Variants in C1orf116 observed in about 807,000 individuals in gnomAD.
C1orf116 encodes chromosome 1 open reading frame 116.
C1orf116 carries 12 observed loss-of-function variants against 14.1 expected under a neutral mutation model. The ratio of observed to expected loss-of-function variants is 0.85; its 90% CI spans 0.54 to 1.38. The LOEUF (loss-of-function observed/expected upper bound fraction) is 1.38, where lower values mean the gene tolerates loss of function less well. C1orf116 is among the 40% of genes most tolerant of loss of function. C1orf116 has a pLI of 0.00. For synonymous variants in C1orf116, 296 were observed against 299.0 expected (o/e 0.99, Z 0.10); for missense variants, 797 against 747.0 (o/e 1.07, Z -0.78).
chr1:207,031,951 A>G (rs192415109), intron 1 of C1orf116, among the ~76,000 whole-genome samples: 6 of 152,326 alleles, frequency 3.9e-5, no homozygotes, highest in Admixed American at 3.9e-4. Flanking sequence ...TTGCAGCTAG[A>G]TTATCCATGG....
rs185449196 is a variant in C1orf116 at position 207,021,409 on chromosome 1, C to G, written c.*549G>C. ...GTGAAGAGATAACGAATCAGCTCCT[C>G]TTAGCCCAGGCCTTGTCCAGAAGGC... On this transcript the variant is annotated 3_prime_UTR_variant, in exon 4 of 4. Coordinates refer to ENST00000359470, the MANE Select transcript of C1orf116 (RefSeq NM_023938.6). 6.6e-6 allele frequency: 1 copy of G among 152,648 alleles called. No homozygotes were observed. The highest frequency in any genetic ancestry group is 1.5e-5 in the Non-Finnish European group (1 of 68,082). The allele number at this position is 152,648 out of a possible 1,614,324, so 9.5% of individuals were successfully genotyped here. A position where few individuals can be genotyped will look rare whatever the true frequency, so the allele number is the denominator to read the frequency against.
At chr1:207,026,588 C>G (rs1275830248) in intron 2 of C1orf116, among the ~76,000 whole-genome samples, 1 of 152,230 alleles carries the variant, frequency 6.6e-6, no homozygotes, top group African/African-American at 2.4e-5. Context: ...TCTATTTTTA[C>G]ATATCAAAAT....
Position 207,020,142 on chromosome 1 carries a change from C to A in C1orf116, c.*1816G>T, listed in dbSNP as rs1490100919. 1 of 152,120 alleles carries A rather than the reference C, an allele frequency of 6.6e-6. No homozygotes were observed. The allele number at this position is 152,120 out of a possible 1,614,324, so 9.4% of individuals were successfully genotyped here. A position where few individuals can be genotyped will look rare whatever the true frequency, so the allele number is the denominator to read the frequency against. On this transcript the variant is annotated 3_prime_UTR_variant, in exon 4 of 4. Transcript: ENST00000359470. ...GGTGTATAATAAGACATAACTTGGC[C>A]GGTTGTGGGAGTCCTCATCAGCCGT...
intron 1 of C1orf116, among the ~76,000 whole-genome samples, chr1:207,030,803 G>A (rs561697251): frequency 6.6e-6 from 1 of 152,164 alleles, no homozygotes. Context: ...GGAACTTAAC[G>A]GGAGGAGGGA....
rs1681935656 is a variant in C1orf116 at position 207,022,940 on chromosome 1, G to C, written c.824C>G (p.Ala275Gly). ...CCCTGATGAGAGGGGAGCATCTTCA[G>C]CTCTTGCATTCTGAGGCAACCCTGC... Reference protein sequence around the residue: ...PPAGLPQNARAEDAPLSSGED... With the variant: ...PPAGLPQNARGEDAPLSSGED... Residue 275 changes from alanine to glycine, a missense_variant, in exon 4 of 4, where the codon GCT (alanine) becomes GGT (glycine). Ala to Gly is a moderately conservative substitution (Grantham distance 60, BLOSUM62 0). Coordinates refer to ENST00000359470, the MANE Select transcript of C1orf116 (RefSeq NM_023938.6). 1 of 1,614,144 alleles carries C rather than the reference G, an allele frequency of 6.2e-7. No homozygotes were observed. The highest frequency in any genetic ancestry group is 8.5e-7 in the Non-Finnish European group (1 of 1,180,014).
At position 207,022,357 on chromosome 1, in the gene C1orf116, G is replaced by A; in HGVS notation, c.1407C>T (p.Ser469=). 5 of 1,614,062 alleles carry A rather than the reference G, an allele frequency of 3.1e-6. No homozygotes were observed. Among genetic ancestry groups the A allele is most frequent in the Non-Finnish European group, 4.2e-6 (5 of 1,179,960 alleles). Residue 469 remains serine, a synonymous_variant, in exon 4 of 4, where the codon AGC becomes AGT. Transcript: ENST00000359470. ...KPESGLTLQE[S]NTPGLRQMNF... ...TCATCTGTCTCAGGCCAGGGGTGTT[G>A]CTCTCCTGGAGAGTCAGCCCTGACT...
intron 1 of C1orf116, among the ~76,000 whole-genome samples, chr1:207,029,603 G>T (rs926000402): frequency 6.6e-6 from 1 of 152,160 alleles, no homozygotes; most frequent in East Asian, 1.9e-4. Flanking sequence ...CTGTTCTAGG[G>T]TCTATTAGGT....
chr1:207,021,982 C>T lies in C1orf116; in HGVS notation c.1782G>A (p.Lys594=). The change falls in exon 4 of 4, where the codon AAG becomes AAA. Residue 594 remains lysine (K), a synonymous_variant. Coordinates refer to ENST00000359470, the MANE Select transcript of C1orf116 (RefSeq NM_023938.6). ...VPNEHRREAL[K]KLGLLKE is the part of the protein sequence containing the mutation. Reference sequence around the variant, plus strand: ...TCTACTCCTTCAACAGTCCCAGCTTCTTCAGGGCCTCCCTTCTGTGTTCAT... The same window carrying T: ...TCTACTCCTTCAACAGTCCCAGCTTTTTCAGGGCCTCCCTTCTGTGTTCAT... 1 of 1,535,718 alleles carries T rather than the reference C, an allele frequency of 6.5e-7. No homozygotes were observed. The highest frequency in any genetic ancestry group is 8.7e-7 in the Non-Finnish European group (1 of 1,144,552).
In C1orf116 at chr1:207,022,710, CTAGAGCTTCTT is replaced by C. The variant is rs749559696; in HGVS notation, c.1043_1053del (p.Lys348ArgfsTer11). The C allele has an allele frequency of 6.2e-7, 1 of 1,614,158 alleles. No homozygotes were observed. Among genetic ancestry groups the C allele is most frequent in the Admixed American group, 1.7e-5 (1 of 60,032 alleles). ...TGATCCTGGGGTAGCCCCAGCTTCT[CTAGAGCTTCTT>C]TACGTGCTTTTCTCTGCTCTTGCAG... On this transcript the variant is annotated frameshift_variant, in exon 4 of 4. Transcript: ENST00000359470. LOFTEE classifies it low-confidence loss of function (END_TRUNC).
At position 207,020,247 on chromosome 1, in the gene C1orf116, A is replaced by G. The variant is rs1572690785; in HGVS notation, c.*1711T>C. 6.6e-6 allele frequency: 1 copy of G among 152,084 alleles called. No homozygotes were observed. The highest frequency in any genetic ancestry group is 6.6e-5 in the Admixed American group (1 of 15,264). 9.4% of individuals were successfully genotyped at this position (152,084 alleles called of 1,614,324 possible). A position where few individuals can be genotyped will look rare whatever the true frequency, so the allele number is the denominator to read the frequency against. Reference sequence around the variant, plus strand: ...CGTGTATGAGCAAACGTACACAGAAACCGCCACACCCACACCTCACATACC... The same window carrying G: ...CGTGTATGAGCAAACGTACACAGAAGCCGCCACACCCACACCTCACATACC... On this transcript the variant is annotated 3_prime_UTR_variant, in exon 4 of 4. Transcript: ENST00000359470.
rs753571015 is a variant in C1orf116, at chr1:207,022,592, G to A, written c.1172C>T (p.Ala391Val). The change falls in exon 4 of 4, where the codon GCT becomes GTT. Residue 391 changes from alanine to valine, a missense_variant. Transcript: ENST00000359470. ...GGCCTGGGCTGGAGCTGCAGGCTGA[G>A]CCAGACCTGGAGCTGGGGACAGATG... ...AQHLSPAPGL[A>V]QPAAPAQASA... 2 of 1,614,204 alleles carry A rather than the reference G, an allele frequency of 1.2e-6. No individual in the cohort carries two copies. Among genetic ancestry groups the A allele is most frequent in the Non-Finnish European group, 1.7e-6 (2 of 1,180,034 alleles).
Position 207,024,210 on chromosome 1 carries a change from C to T in C1orf116, c.283+677G>A, listed in dbSNP as rs7535426. 5.1e-3 allele frequency among the ~76,000 whole-genome samples: 772 copies of T among 152,292 alleles called. 7 individuals are homozygous for T. The highest frequency in any genetic ancestry group is 0.017 in the African/African-American group (711 of 41,548). ...TCATGGAGCAGGAAAGCCCTACGTC[C>T]CCATTTATAGCTCTAGCTCCAGGGA... On this transcript the variant is annotated intron_variant, in intron 3 of 3. Transcript: ENST00000359470.
chr1:207,027,740 C>T, intron 1 of C1orf116, 61 bp from the exon 2 acceptor site: 4 of 1,441,584 alleles, frequency 2.8e-6, no homozygotes, highest in Non-Finnish European at 3.7e-6. Flanking sequence ...TCTGCCCAGG[C>T]CCTGGGCGGC....
chr1:207,027,548 G>C lies in C1orf116; in HGVS notation c.51C>G (p.Thr17=). ...TCATGCTGTCACAGCTGCCGACACG[G>C]GTCACGGGTTCTGAGCCAGTCCCCG... ...WPAGTGSEPV[T]RVGSCDSMMS... is the part of the protein sequence containing the mutation. The change falls in exon 2 of 4, where the codon ACC becomes ACG. Residue 17 remains threonine (T), a synonymous_variant. Coordinates refer to ENST00000359470, the MANE Select transcript of C1orf116 (RefSeq NM_023938.6). 6.2e-7 allele frequency: 1 copy of C among 1,613,828 alleles called. No homozygotes were observed. The highest frequency in any genetic ancestry group is 8.5e-7 in the Non-Finnish European group (1 of 1,180,044).
At chr1:207,025,494 A>T (rs887165777) in intron 2 of C1orf116, among the ~76,000 whole-genome samples, 25 of 152,242 alleles carry the variant, frequency 1.6e-4, no homozygotes, top group Admixed American at 3.9e-4. Flanking sequence ...AAGAAGTGCA[A>T]CATAACAATT....
intron 2 of C1orf116, 117 bp from the exon 3 acceptor site, chr1:207,025,181 C>T (rs1447877429): frequency 1.5e-5 from 11 of 734,552 alleles, no homozygotes; most frequent in Non-Finnish European, 2.5e-5. Flanking sequence ...CTGGCGGGGC[C>T]TGAGAACCAC....
At position 207,021,747 on chromosome 1, in the gene C1orf116, C is replaced by A; in HGVS notation, c.*211G>T. On this transcript the variant is annotated 3_prime_UTR_variant, in exon 4 of 4. Transcript: ENST00000359470. ...GCCCCCCCTCCACACACACACCAAACACACACACACACACCCTCTTGTGGA... is the reference window on the plus strand; with the variant it reads ...GCCCCCCCTCCACACACACACCAAAAACACACACACACACCCTCTTGTGGA... 1 of 305,166 alleles carries A rather than the reference C, an allele frequency of 3.3e-6. No individual in the cohort carries two copies. 18.9% of individuals were successfully genotyped at this position (305,166 alleles called of 1,614,324 possible).
Position 207,020,188 on chromosome 1 carries a change from A to G in C1orf116, c.*1770T>C, listed in dbSNP as rs897106326. 6.6e-6 allele frequency: 1 copy of G among 152,130 alleles called. No homozygotes were observed. Among genetic ancestry groups the G allele is most frequent in the Non-Finnish European group, 1.5e-5 (1 of 68,036 alleles). 9.4% of individuals were successfully genotyped at this position (152,130 alleles called of 1,614,324 possible). ...GCCGTGACAGACCAAGTCCTCACCC[A>G]TGGCCAGGAATGAGGCACAGGCTTT... On this transcript the variant is annotated 3_prime_UTR_variant, in exon 4 of 4. Transcript: ENST00000359470.
chr1:207,022,655 G>A lies in C1orf116; in HGVS notation c.1109C>T (p.Pro370Leu). 6.2e-7 allele frequency: 1 copy of A among 1,613,988 alleles called. No homozygotes were observed. The highest frequency in any genetic ancestry group is 8.5e-7 in the Non-Finnish European group (1 of 1,180,008). The change falls in exon 4 of 4, where the codon CCC becomes CTC. Residue 370 changes from proline (P) to leucine (L), a missense_variant. Pro to Leu is a moderately conservative substitution (Grantham distance 98, BLOSUM62 -3). Coordinates refer to ENST00000359470, the MANE Select transcript of C1orf116 (RefSeq NM_023938.6). ...QDEPGLHLSK[P>L]TSSIRPKETR... ...CTCCTTGGGTCTGATGGAGCTGGTG[G>A]GCTTACTTAAGTGGAGTCCAGGCTC...
Sources: allele counts gnomAD v4.1 joint callset (sites outside exome capture counted in the v4.1 genomes callset), GRCh38; gene constraint gnomAD v4.1.1; transcripts MANE v1.5; gene names NCBI Gene and HGNC (gene_info 2026-07-23, HGNC 2026-07-21).